The following FAM153A variants were observed in gnomAD, a reference collection of about 807,000 sequenced individuals.
FAM153A encodes the protein family with sequence similarity 153 member A, also known as protein FAM153A.
In FAM153A, 12 loss-of-function variants were observed where a neutral mutation model predicts 48.1. That is an observed-to-expected ratio of 0.25 (90% CI 0.16 to 0.40). The LOEUF is 0.40. Ranked by LOEUF, FAM153A falls within the 10% of genes least tolerant of loss-of-function variation. The probability of loss-of-function intolerance (pLI) is 1.00; values close to 1 mark genes in which losing one functional copy is unlikely to be tolerated. For synonymous variants in FAM153A, 36 were observed against 118.2 expected (o/e 0.30, Z 4.51); for missense variants, 111 against 345.8 (o/e 0.32, Z 5.38).
At chr5:177,696,773 C>A in the FAM153A span, among the ~76,000 whole-genome samples, 1 of 151,310 alleles carries the variant, frequency 6.6e-6, no homozygotes, top group African/African-American at 2.4e-5. Context: ...CTCAAGTGAT[C>A]CTCCCACCTC....
At position 177,740,930 on chromosome 5, in the gene FAM153A, C is replaced by T; in HGVS notation, c.442-129G>A. 3.8e-6 allele frequency: 2 copies of T among 527,440 alleles called. 1 individual carries two copies. The highest frequency in any genetic ancestry group is 6.1e-6 in the Non-Finnish European group (2 of 329,076). The allele number at this position is 527,440 out of a possible 1,614,324, so 32.7% of individuals were successfully genotyped here. On this transcript the variant is annotated intron_variant, in intron 7 of 20. Transcript: ENST00000614127. ...ATAGTGAAAATAGTCAACACAAGGG[C>T]TCCAAATTAAAGCCTAGAGGGCACG...
At chr5:177,761,021 G>A (rs1768261997) in intron 1 of FAM153A, among the ~76,000 whole-genome samples, 1 of 151,752 alleles carries the variant, frequency 6.6e-6, no homozygotes, top group African/African-American at 2.4e-5. Context: ...GATGTCTGGG[G>A]ACTGCAGAGA....
At chr5:177,756,138 A>G (rs1767704841), upstream of FAM153A, among the ~76,000 whole-genome samples, 1 of 150,664 alleles carries the variant, frequency 6.6e-6, no homozygotes, top group Non-Finnish European at 1.5e-5. Context: ...GGGATGGAGG[A>G]AGATCTACCA....
chr5:177,709,118 A>G, downstream of FAM153A, among the ~76,000 whole-genome samples: 1 of 142,634 alleles, frequency 7.0e-6, no homozygotes, highest in Non-Finnish European at 1.5e-5. Context: ...AAAAAAAAAA[A>G]AAAAAAAAAA....
downstream of FAM153A, chr5:177,722,223 G>A (rs1761192770): frequency 8.2e-6 from 1 of 122,530 alleles, no homozygotes; most frequent in African/African-American, 3.3e-5. Context: ...TCCGCCTCCT[G>A]AGTTCAAGTG....
At chr5:177,781,241 G>GGCGCCCACCACC (rs1769617182), upstream of FAM153A, among the ~76,000 whole-genome samples, 1 of 120,752 alleles carries the variant, frequency 8.3e-6, no homozygotes, top group Non-Finnish European at 1.7e-5. Flanking sequence ...TGGGACTATG[G>GGCGCCCACCACC]GCGCCCACCA....
chr5:177,699,535 T>C, the FAM153A span, among the ~76,000 whole-genome samples: 88 of 152,150 alleles, frequency 5.8e-4, no homozygotes, highest in Non-Finnish European at 1.2e-3. Context: ...TAGATGTTAC[T>C]ACTGACCTTA....
chr5:177,725,762 T>C (rs1232186304), intron 18 of FAM153A, among the ~76,000 whole-genome samples: 1 of 151,784 alleles, frequency 6.6e-6, no homozygotes, highest in Non-Finnish European at 1.5e-5. Flanking sequence ...GCCCAGTGGA[T>C]TCCAGGGACC....
chr5:177,738,951 G>C (rs1331091549), intron 10 of FAM153A, among the ~76,000 whole-genome samples, 162 bp downstream of exon 12: 7 of 148,914 alleles, frequency 4.7e-5, no homozygotes, highest in African/African-American at 1.5e-4. Context: ...ACGTAGGATG[G>C]TCACCACTCG....
At chr5:177,695,178 T>TC in the FAM153A span, among the ~76,000 whole-genome samples, 2 of 142,944 alleles carry the variant, frequency 1.4e-5, no homozygotes, top group African/African-American at 2.7e-5. Flanking sequence ...CACCTCAGCC[T>TC]CCCAAAGTGC....
rs1197027598 is a variant in FAM153A at position 177,758,954 on chromosome 5, T to C, written c.-56-10255A>G. ...TCTAAAACACCAAAAGCAATGACAA[T>C]GAAAGCCAAAATTAACAAATGGGAT... On this transcript the variant is annotated intron_variant, in intron 1 of 8. Transcript: ENST00000393518. Among the ~76,000 whole-genome samples the C allele has an allele frequency of 1.5e-4, 22 of 151,684 alleles. No individual in the cohort carries two copies. The East Asian group carries it at 2.7e-3, about 19-fold the overall frequency.
intron 1 of FAM153A, among the ~76,000 whole-genome samples, chr5:177,768,226 A>G (rs1278193216): frequency 1.1e-4 from 16 of 145,314 alleles, no homozygotes; most frequent in South Asian, 4.6e-4. Flanking sequence ...GAGGTGGCAC[A>G]GAGATTCCAT....
chr5:177,710,845 C>T (rs561740059), downstream of FAM153A, among the ~76,000 whole-genome samples: 20 of 147,518 alleles, frequency 1.4e-4, no homozygotes, highest in African/African-American at 4.0e-4. Context: ...TCAGTAAAGA[C>T]GGGGTTTCAC....
At chr5:177,710,792 A>T (rs1758352925), downstream of FAM153A, among the ~76,000 whole-genome samples, 1 of 143,946 alleles carries the variant, frequency 6.9e-6, no homozygotes, top group South Asian at 2.3e-4. Flanking sequence ...TGTAGCTGGG[A>T]TTACAGGTGC....
chr5:177,732,493 G>A (rs1582352820), intron 14 of FAM153A, among the ~76,000 whole-genome samples: 1 of 79,014 alleles, frequency 1.3e-5, no homozygotes, highest in African/African-American at 4.6e-5. Context: ...TGTGTTTTTT[G>A]TCCCTCCCAG....
At chr5:177,697,715 G>A in the FAM153A span, among the ~76,000 whole-genome samples, 1 of 151,820 alleles carries the variant, frequency 6.6e-6, no homozygotes, top group Non-Finnish European at 1.5e-5. Context: ...CCAGCTCTCT[G>A]AGGATTGGGG....
At chr5:177,756,950 A>T (rs1767795820), upstream of FAM153A, among the ~76,000 whole-genome samples, 1 of 122,058 alleles carries the variant, frequency 8.2e-6, no homozygotes. Flanking sequence ...GAGCAAACAT[A>T]TTCAAAAGCT....
At chr5:177,781,534 G>C (rs1461351282), upstream of FAM153A, 1 of 96,504 alleles carries the variant, frequency 1.0e-5, no homozygotes, top group Non-Finnish European at 2.1e-5. Flanking sequence ...CACAGAAAGA[G>C]CTCACATTTT....
chr5:177,699,619 G>T, the FAM153A span, among the ~76,000 whole-genome samples: 1 of 152,250 alleles, frequency 6.6e-6, no homozygotes, highest in Non-Finnish European at 1.5e-5. Context: ...AAATGAACAA[G>T]TTTCTAGAAA....
Sources: allele counts gnomAD v4.1 joint callset (sites outside exome capture counted in the v4.1 genomes callset), GRCh38; gene constraint gnomAD v4.1.1; transcripts MANE v1.5; gene names NCBI Gene and HGNC (gene_info 2026-07-23, HGNC 2026-07-21).